The following MYH13 variants were observed in gnomAD, a reference collection of about 807,000 sequenced individuals.
MYH13 encodes the protein myosin heavy chain 13.
In MYH13, 177 loss-of-function variants were observed where a neutral mutation model predicts 232.1. The observed-to-expected ratio is 0.76, with a 90% CI of 0.67 to 0.86. The LOEUF is 0.86. Ranked by LOEUF, MYH13 falls within the 40% of genes least tolerant of loss-of-function variation. The pLI is 0.00. For synonymous variants in MYH13, 884 were observed against 923.5 expected (o/e 0.96, Z 0.78); for missense variants, 2,246 against 2,405.9 (o/e 0.93, Z 1.39).
intron 3 of MYH13, 52 bp from the exon 4 acceptor site, chr17:10,362,555 A>C: frequency 6.2e-7 from 1 of 1,609,578 alleles, no homozygotes; most frequent in South Asian, 1.1e-5. Context: ...AAGTGCCCAC[A>C]TTGCACTTTA....
intron 11 of MYH13, 77 bp from the exon 12 acceptor site, chr17:10,350,771 C>T (rs1396129161): frequency 1.3e-6 from 2 of 1,575,904 alleles, no homozygotes; most frequent in Non-Finnish European, 8.7e-7. Flanking sequence ...AAAGACCTTA[C>T]CTCTTTTTTG....
At position 10,309,440 on chromosome 17, in the gene MYH13, G is replaced by T. The variant is rs1442836235; in HGVS notation, c.4966-3C>A. On this transcript the variant is annotated splice_polypyrimidine_tract_variant and splice_region_variant and intron_variant, in intron 34 of 40. Coordinates refer to ENST00000252172, the MANE Select transcript of MYH13 (RefSeq NM_003802.3). ...TCATCGAGATGCAGCTGGGAGTCCT[G>T]CAGGGGAGACCCAGAGTGAGGCCAG... 1.2e-6 allele frequency: 2 copies of T among 1,600,736 alleles called. No homozygotes were observed. Among genetic ancestry groups the T allele is most frequent in the Non-Finnish European group, 1.7e-6 (2 of 1,173,272 alleles).
chr17:10,358,745 G>T (rs764380624), intron 7 of MYH13, among the ~76,000 whole-genome samples: 1 of 151,968 alleles, frequency 6.6e-6, no homozygotes, highest in Non-Finnish European at 1.5e-5. Flanking sequence ...GACAGAGTGA[G>T]ACCCTGTCTC....
intron 31 of MYH13, among the ~76,000 whole-genome samples, 178 bp from the exon 32 acceptor site, chr17:10,312,254 C>G (rs909502535): frequency 2.0e-5 from 3 of 152,182 alleles, no homozygotes; most frequent in Non-Finnish European, 1.5e-5. Context: ...CCTGCAGACC[C>G]TCTGCTGCAT....
chr17:10,362,012 G>T, intron 5 of MYH13, 106 bp downstream of exon 5: 1 of 1,597,580 alleles, frequency 6.3e-7, no homozygotes, highest in South Asian at 1.1e-5. Context: ...CTGACTCTCC[G>T]AAGATCCTTT....
intron 24 of MYH13, 130 bp downstream of exon 24, chr17:10,321,402 G>T (rs1906933769): frequency 3.3e-6 from 3 of 898,810 alleles, no homozygotes; most frequent in Non-Finnish European, 4.9e-6. Flanking sequence ...TCAGGGTGGG[G>T]CTGAGATCTG....
intron 8 of MYH13, among the ~76,000 whole-genome samples, chr17:10,356,484 A>G (rs2071749922): frequency 6.6e-6 from 1 of 152,206 alleles, no homozygotes; most frequent in African/African-American, 2.4e-5. Context: ...GGCCAGTGCA[A>G]TAACTAACTT....
chr17:10,324,349 A>G, intron 22 of MYH13, 85 bp from the exon 23 acceptor site: 1 of 1,529,518 alleles, frequency 6.5e-7, no homozygotes, highest in Middle Eastern at 1.7e-4. Context: ...AAAGCTTATT[A>G]TCTACACCTA....
In MYH13 at chr17:10,302,709, G is replaced by C. The variant is rs751273516; in HGVS notation, c.5667+487C>G. On this transcript the variant is annotated intron_variant, in intron 39 of 40. Transcript: ENST00000252172. The stretch of plus-strand genomic sequence containing the variant: ...ATTGATTTCACCTATTTGATCAAAG[G>C]GTGGATGAAAAAGGATGGGATGGAG... Among the ~76,000 whole-genome samples the C allele has an allele frequency of 7.2e-5, 11 of 152,096 alleles. No homozygotes were observed. The East Asian group carries it at 1.5e-3, about 21-fold the overall frequency.
chr17:10,321,624 G>A lies in MYH13; in HGVS notation c.3019C>T (p.His1007Tyr). The A allele has an allele frequency of 2.5e-6, 4 of 1,613,534 alleles. No homozygotes were observed. Among genetic ancestry groups the A allele is most frequent in the Non-Finnish European group, 3.4e-6 (4 of 1,179,520 alleles). The change falls in exon 24 of 41, where the codon CAT (histidine) becomes TAT (tyrosine). Residue 1007 changes from histidine (H) to tyrosine (Y), a missense_variant. Coordinates refer to ENST00000252172, the MANE Select transcript of MYH13 (RefSeq NM_003802.3). ...TKEKKSLQEA[H>Y]QQTLDDLQVE... is the part of the protein sequence containing the mutation. ...TGAAGATCATCCAGTGTTTGCTGAT[G>A]GGCCTCCTGTAGAGATTTCTTTTCT...
intron 23 of MYH13, among the ~76,000 whole-genome samples, chr17:10,322,011 T>C (rs1240048480): frequency 6.6e-6 from 1 of 152,182 alleles, no homozygotes; most frequent in African/African-American, 2.4e-5. Context: ...TATTCGCTCA[T>C]AATATGTCTG....
chr17:10,333,407 C>T (rs1323399630), intron 18 of MYH13, among the ~76,000 whole-genome samples: 1 of 152,204 alleles, frequency 6.6e-6, no homozygotes, highest in Non-Finnish European at 1.5e-5. Flanking sequence ...GAGATGCTAG[C>T]ACCCCATAAC....
At position 10,330,492 on chromosome 17, in the gene MYH13, A is replaced by C; in HGVS notation, c.2330T>G (p.Leu777Trp). The change falls in exon 21 of 41, where the codon TTG (leucine) becomes TGG (tryptophan). Residue 777 changes from leucine to tryptophan, a missense_variant. Coordinates refer to ENST00000252172, the MANE Select transcript of MYH13 (RefSeq NM_003802.3). ...CAGCTTCTCATCTCTCATCTCCTCC[A>C]AAAGTCCCAGGAGCCCAGCTTTGAA... is the stretch of plus-strand genomic sequence containing the variant. The part of the protein sequence containing the change: ...VFFKAGLLGL[L>W]EEMRDEKLVT... The C allele has an allele frequency of 1.2e-6, 2 of 1,611,810 alleles. No individual in the cohort carries two copies. Among genetic ancestry groups the C allele is most frequent in the Non-Finnish European group, 1.7e-6 (2 of 1,179,488 alleles).
chr17:10,332,362 G>C, intron 19 of MYH13, 140 bp from the exon 20 acceptor site: 1 of 1,140,400 alleles, frequency 8.8e-7, no homozygotes, highest in Non-Finnish European at 1.3e-6. Flanking sequence ...GATGGGAATA[G>C]CTAGGGACTG....
chr17:10,348,421 T>C (rs2071684318), intron 12 of MYH13, among the ~76,000 whole-genome samples: 1 of 152,236 alleles, frequency 6.6e-6, no homozygotes, highest in South Asian at 2.1e-4. Context: ...CTCAGTTTTG[T>C]CTGTAAAATG....
intron 26 of MYH13, 136 bp from the exon 27 acceptor site, chr17:10,319,315 C>T: frequency 1.8e-6 from 2 of 1,092,514 alleles, no homozygotes; most frequent in Non-Finnish European, 2.5e-6. Context: ...TTGAAACCAG[C>T]CTGGCCAACA....
At chr17:10,347,323 C>G (rs1173649716) in intron 12 of MYH13, among the ~76,000 whole-genome samples, 7 of 152,212 alleles carry the variant, frequency 4.6e-5, no homozygotes, top group African/African-American at 1.7e-4. Flanking sequence ...CAAGATCGTG[C>G]CATTGAACTC....
At chr17:10,303,590 G>GA in intron 37 of MYH13, 92 bp from the exon 38 acceptor site, 4 of 1,103,862 alleles carry the variant, frequency 3.6e-6, no homozygotes, top group Non-Finnish European at 5.5e-6. Flanking sequence ...GTGAACTCAA[G>GA]ATCCCCTAAT....
intron 30 of MYH13, among the ~76,000 whole-genome samples, 180 bp from the exon 31 acceptor site, chr17:10,312,937 G>A (rs1597885344): frequency 6.6e-6 from 1 of 151,976 alleles, no homozygotes; most frequent in Admixed American, 6.6e-5. Flanking sequence ...AATGCTTGGT[G>A]GCAAAGCAGG....
Sources: gnomAD v4.1 joint callset for allele counts (sites outside exome capture counted in the v4.1 genomes callset) on GRCh38, gnomAD v4.1.1 for gene constraint, MANE v1.5 for transcripts, NCBI Gene and HGNC (gene_info 2026-07-23, HGNC 2026-07-21) for gene names.